CACNA1E: variants seen among roughly 807,000 people sequenced by gnomAD.
The protein encoded by CACNA1E is calcium voltage-gated channel subunit alpha1 E, also known as voltage-dependent R-type calcium channel subunit alpha-1E.
CACNA1E carries 40 observed loss-of-function variants against 259.2 expected under a neutral mutation model. That is an observed-to-expected ratio of 0.15 (90% confidence interval 0.12 to 0.20). The LOEUF is 0.20. Among genes scored for constraint, CACNA1E ranks in the 10% least tolerant of loss-of-function variants. CACNA1E has a pLI of 1.00. For synonymous variants in CACNA1E, 1,104 were observed against 1,138.5 expected (o/e 0.97, Z 0.61); for missense variants, 1,874 against 3,040.1 (o/e 0.62, Z 9.02).
At chr1:181,372,301 G>C (rs1031990601) in intron 1 of CACNA1E, among the ~76,000 whole-genome samples, 1 of 151,892 alleles carries the variant, frequency 6.6e-6, no homozygotes, top group Non-Finnish European at 1.5e-5. Flanking sequence ...TCTCATTGTA[G>C]TGAACTTTCA....
At chr1:181,590,981 A>C (rs1024466837) in intron 6 of CACNA1E, among the ~76,000 whole-genome samples, 3 of 152,250 alleles carry the variant, frequency 2.0e-5, no homozygotes, top group Admixed American at 6.5e-5. Flanking sequence ...TCTGTTATTA[A>C]ATTTAAGCAT....
intron 6 of CACNA1E, among the ~76,000 whole-genome samples, chr1:181,635,854 G>A (rs1657163811): frequency 6.6e-6 from 1 of 152,186 alleles, no homozygotes; most frequent in Admixed American, 6.5e-5. Flanking sequence ...TCTATTCAGT[G>A]TGAAACACTG....
At chr1:181,365,968 G>T (rs1366222684) in intron 1 of CACNA1E, among the ~76,000 whole-genome samples, 4 of 152,192 alleles carry the variant, frequency 2.6e-5, no homozygotes, top group African/African-American at 9.7e-5. Flanking sequence ...ACCTTCTGCT[G>T]TAACTGGGGA....
chr1:181,600,868 G>T (rs904984127), intron 6 of CACNA1E, among the ~76,000 whole-genome samples: 8 of 152,116 alleles, frequency 5.3e-5, no homozygotes, highest in Non-Finnish European at 7.4e-5. Flanking sequence ...TCATGAGATG[G>T]ACTGATGTCC....
chr1:181,663,178 A>G (rs574277471), intron 7 of CACNA1E, among the ~76,000 whole-genome samples: 1 of 152,328 alleles, frequency 6.6e-6, no homozygotes, highest in African/African-American at 2.4e-5. Flanking sequence ...TAAAGATAAG[A>G]TGTAATATTT....
chr1:181,689,590 C>G (rs182677606), intron 7 of CACNA1E, among the ~76,000 whole-genome samples: 9 of 152,286 alleles, frequency 5.9e-5, no homozygotes, highest in Non-Finnish European at 4.4e-5. Flanking sequence ...ATTGACAGTT[C>G]CACCAACACT....
In CACNA1E at chr1:181,636,686, G is replaced by A. The variant is rs140829370; in HGVS notation, c.952-14652G>A. Among the ~76,000 whole-genome samples, 849 of 152,300 alleles carry A rather than the reference G, an allele frequency of 5.6e-3. 4 individuals are homozygous for A. Among genetic ancestry groups the A allele is most frequent in the Non-Finnish European group, 9.6e-3 (655 of 68,016 alleles). On this transcript the variant is annotated intron_variant, in intron 6 of 47. Transcript: ENST00000367573. Reference sequence around the variant, plus strand: ...TAAGAAAGGCCCTGATGGATGGCCAGGATTTGGACCATGAAACTTGTTTTG... The same window carrying A: ...TAAGAAAGGCCCTGATGGATGGCCAAGATTTGGACCATGAAACTTGTTTTG...
At position 181,752,307 on chromosome 1, in the gene CACNA1E, C is replaced by T. The variant is rs55700671; in HGVS notation, c.3828+68C>T. ...ATCTTCTCTCTTTAGCCATGGCTGG[C>T]CTGCCTTTGGAGAATTTGTTCTGGG... On this transcript the variant is annotated intron_variant, in intron 27 of 47. Coordinates refer to ENST00000367573, the MANE Select transcript of CACNA1E (RefSeq NM_001205293.3). The T allele has an allele frequency of 1.7e-3, 2,008 of 1,163,044 alleles. 22 individuals carry two copies. In the African/African-American group the frequency reaches 0.025, roughly 15 times the overall value. The allele number at this position is 1,163,044 out of a possible 1,614,324, so 72.0% of individuals were successfully genotyped here. A position where few individuals can be genotyped will look rare whatever the true frequency, so the allele number is the denominator to read the frequency against.
At chr1:181,797,545 T>C (rs1190007190) in intron 47 of CACNA1E, among the ~76,000 whole-genome samples, 2 of 152,310 alleles carry the variant, frequency 1.3e-5, no homozygotes, top group East Asian at 1.9e-4. Context: ...TTTCAAATTT[T>C]AGTGCAGAAC....
chr1:181,404,115 C>A (rs1343599529), intron 1 of CACNA1E, among the ~76,000 whole-genome samples: 1 of 152,196 alleles, frequency 6.6e-6, no homozygotes, highest in African/African-American at 2.4e-5. Flanking sequence ...GATGTGGTTA[C>A]CTTGACTGGA....
At chr1:181,674,225 A>G (rs1265061629) in intron 7 of CACNA1E, among the ~76,000 whole-genome samples, 2 of 71,256 alleles carry the variant, frequency 2.8e-5, no homozygotes, top group Admixed American at 2.7e-4. Context: ...TAAAAATACA[A>G]AAAAAAAAAA....
At chr1:181,446,191 A>C (rs1250479984) in intron 2 of CACNA1E, among the ~76,000 whole-genome samples, 1 of 152,166 alleles carries the variant, frequency 6.6e-6, no homozygotes, top group Non-Finnish European at 1.5e-5. Flanking sequence ...CTGGGAGAGG[A>C]TGTGGCAGGG....
chr1:181,542,754 T>G (rs1314000503), intron 3 of CACNA1E, among the ~76,000 whole-genome samples: 1 of 151,942 alleles, frequency 6.6e-6, no homozygotes, highest in Non-Finnish European at 1.5e-5. Context: ...TATAGCAGTA[T>G]GAAATCGGAC....
chr1:181,395,603 A>G (rs961898749), intron 1 of CACNA1E, among the ~76,000 whole-genome samples: 1 of 152,172 alleles, frequency 6.6e-6, no homozygotes, highest in African/African-American at 2.4e-5. Flanking sequence ...AGTATTTGGA[A>G]AAAATATTTG....
intron 3 of CACNA1E, among the ~76,000 whole-genome samples, chr1:181,529,083 T>C (rs927304783): frequency 7.2e-5 from 11 of 152,148 alleles, no homozygotes; most frequent in African/African-American, 2.7e-4. Flanking sequence ...AAAAGTGGTT[T>C]TGTGGGCTGG....
chr1:181,326,085 C>T, intron 1 of CACNA1E, among the ~76,000 whole-genome samples: 1 of 152,232 alleles, frequency 6.6e-6, no homozygotes, highest in East Asian at 1.9e-4. Context: ...CCAATCCCAG[C>T]TCCTTCCCCA....
intron 2 of CACNA1E, among the ~76,000 whole-genome samples, chr1:181,443,423 C>T (rs955983500): frequency 6.6e-6 from 1 of 152,194 alleles, no homozygotes; most frequent in Non-Finnish European, 1.5e-5. Flanking sequence ...GATAAGAGAT[C>T]AGAAAATGTG....
In CACNA1E at chr1:181,737,736, G is replaced by A. The variant is rs2280867; in HGVS notation, c.3552+82G>A. The A allele has an allele frequency of 1.3e-4, 194 of 1,531,324 alleles. No individual in the cohort carries two copies. The East Asian group carries it at 4.2e-3, about 33-fold the overall frequency. 94.9% of individuals were successfully genotyped at this position (1,531,324 alleles called of 1,614,324 possible). A position where few individuals can be genotyped will look rare whatever the true frequency, so the allele number is the denominator to read the frequency against. On this transcript the variant is annotated intron_variant, in intron 23 of 47. Coordinates refer to ENST00000367573, the MANE Select transcript of CACNA1E (RefSeq NM_001205293.3). ...CCAGCACTGGAGGTGAACCGAGATG[G>A]TAGCAAGGTTTCTGGGGAATGAGCA...
intron 6 of CACNA1E, among the ~76,000 whole-genome samples, chr1:181,613,712 C>T (rs2103121780): frequency 6.6e-6 from 1 of 152,302 alleles, no homozygotes; most frequent in East Asian, 1.9e-4. Flanking sequence ...TAGAGTTAGC[C>T]TATTCCTTCC....
Sources: gnomAD v4.1 joint callset for allele counts (sites outside exome capture counted in the v4.1 genomes callset) on GRCh38, gnomAD v4.1.1 for gene constraint, MANE v1.5 for transcripts, NCBI Gene and HGNC (gene_info 2026-07-23, HGNC 2026-07-21) for gene names.